The following SYT14 variants were observed in gnomAD, a reference collection of about 807,000 sequenced individuals.
The protein encoded by SYT14 is synaptotagmin 14, also known as synaptotagmin-14.
SYT14 carries 32 observed loss-of-function variants against 74.2 expected under a neutral mutation model. That is an observed-to-expected ratio of 0.43 (90% CI 0.33 to 0.58). SYT14 has a LOEUF of 0.58. Ranked by LOEUF, SYT14 falls within the 20% of genes least tolerant of loss-of-function variation. The probability of loss-of-function intolerance (pLI) is 0.05; values close to 1 mark genes in which losing one functional copy is unlikely to be tolerated. For missense variants in SYT14, 791 were observed against 981.8 expected, an observed-to-expected ratio of 0.81 and a Z score of 2.60; for synonymous variants, 298 against 337.7, an observed-to-expected ratio of 0.88 and a Z score of 1.29.
chr1:210,118,010 G>T (rs2082392382), intron 7 of SYT14, among the ~76,000 whole-genome samples: 1 of 152,120 alleles, frequency 6.6e-6, no homozygotes, highest in Admixed American at 6.5e-5. Context: ...GAAAGAATAA[G>T]CTTAAAGCAC....
chr1:209,942,916 A>G (rs1572044400), intron 1 of SYT14, among the ~76,000 whole-genome samples: 2 of 151,076 alleles, frequency 1.3e-5, no homozygotes, highest in African/African-American at 2.5e-5. Context: ...GTGTGTTTGT[A>G]TATGTGTGTG....
chr1:210,069,039 G>T, intron 5 of SYT14, among the ~76,000 whole-genome samples: 1 of 151,380 alleles, frequency 6.6e-6, no homozygotes, highest in Non-Finnish European at 1.5e-5. Context: ...TTCAGTTGCT[G>T]GGTTTGGATA....
intron 5 of SYT14, among the ~76,000 whole-genome samples, chr1:210,060,147 C>G (rs1314743136): frequency 1.3e-5 from 2 of 152,136 alleles, no homozygotes; most frequent in African/African-American, 4.8e-5. Context: ...TAGGTCTGTA[C>G]TCAGGAGACT....
chr1:210,011,328 A>C (rs1432096099), intron 2 of SYT14, among the ~76,000 whole-genome samples: 1 of 152,142 alleles, frequency 6.6e-6, no homozygotes, highest in Non-Finnish European at 1.5e-5. Flanking sequence ...TTTATGTCAT[A>C]TACCTTAGCT....
At chr1:210,022,930 C>T (rs2080332575) in intron 5 of SYT14, among the ~76,000 whole-genome samples, 1 of 152,018 alleles carries the variant, frequency 6.6e-6, no homozygotes, top group East Asian at 1.9e-4. Flanking sequence ...GACTTTATAG[C>T]CTATGGAAAG....
At chr1:210,056,401 G>C (rs989660024) in intron 5 of SYT14, among the ~76,000 whole-genome samples, 1 of 152,082 alleles carries the variant, frequency 6.6e-6, no homozygotes, top group African/African-American at 2.4e-5. Flanking sequence ...TTTGTTCTAG[G>C]AGTAAGATAA....
intron 7 of SYT14, among the ~76,000 whole-genome samples, chr1:210,149,691 C>T (rs146615263): frequency 8.5e-4 from 130 of 152,274 alleles, no homozygotes; most frequent in African/African-American, 3.0e-3. Flanking sequence ...GTAGCTCTTC[C>T]TTTCCTAACC....
rs892312847 is a variant in SYT14, at chr1:209,968,452, T to C, written c.-486+15696T>C. Among the ~76,000 whole-genome samples the C allele has an allele frequency of 2.0e-5, 3 of 151,996 alleles. No homozygotes were observed. The South Asian group carries it at 6.2e-4, about 32-fold the overall frequency. On this transcript the variant is annotated intron_variant, in intron 2 of 9. Transcript: ENST00000637265. ...ATATGGTAGATACTATATGATATTATAGTATCATATGGAGTAGTTTCATAT... is the reference window on the plus strand; with the variant it reads ...ATATGGTAGATACTATATGATATTACAGTATCATATGGAGTAGTTTCATAT...
At chr1:210,102,915 C>T (rs1043777728) in intron 7 of SYT14, among the ~76,000 whole-genome samples, 4 of 152,036 alleles carry the variant, frequency 2.6e-5, no homozygotes, top group South Asian at 2.1e-4. Flanking sequence ...TGGCCTGAAG[C>T]GATTCTCCCA....
chr1:209,946,882 T>A (rs968531535), intron 1 of SYT14, among the ~76,000 whole-genome samples: 3 of 152,194 alleles, frequency 2.0e-5, no homozygotes, highest in African/African-American at 7.2e-5. Context: ...ATGCATCTGG[T>A]GACTTTAAGT....
At chr1:209,999,437 G>A (rs1558120270) in intron 2 of SYT14, among the ~76,000 whole-genome samples, 1 of 152,042 alleles carries the variant, frequency 6.6e-6, no homozygotes, top group South Asian at 2.1e-4. Flanking sequence ...TAGTTTATCA[G>A]TGGGATACCT....
intron 1 of SYT14, among the ~76,000 whole-genome samples, chr1:209,938,478 C>G (rs972015027): frequency 4.6e-5 from 7 of 151,834 alleles, no homozygotes; most frequent in African/African-American, 1.7e-4. Flanking sequence ...CCGACTGGCT[C>G]GCTCGCCCCG....
intron 2 of SYT14, among the ~76,000 whole-genome samples, chr1:210,011,956 C>G (rs866409205): frequency 6.6e-6 from 1 of 152,046 alleles, no homozygotes. Context: ...GAGAGACTGC[C>G]GAGGACTGGA....
At chr1:210,134,107 T>A (rs892468955) in intron 7 of SYT14, among the ~76,000 whole-genome samples, 8 of 152,078 alleles carry the variant, frequency 5.3e-5, no homozygotes, top group African/African-American at 1.4e-4. Context: ...AGTCTCATTC[T>A]GTCACCCAGG....
intron 5 of SYT14, among the ~76,000 whole-genome samples, chr1:210,062,906 G>T (rs2081231454): frequency 1.3e-5 from 2 of 151,252 alleles, no homozygotes; most frequent in African/African-American, 4.8e-5. Flanking sequence ...ATATTTATTT[G>T]TGCATGTTGG....
At chr1:210,035,032 A>G (rs1269025179) in intron 5 of SYT14, among the ~76,000 whole-genome samples, 1 of 151,648 alleles carries the variant, frequency 6.6e-6, no homozygotes, top group African/African-American at 2.4e-5. Context: ...TCTACTTTTA[A>G]TTGTTTCAGA....
chr1:210,163,262 C>T (rs1322350735), exon 10 of SYT14: 1 of 453,660 alleles, frequency 2.2e-6, no homozygotes, highest in Admixed American at 2.4e-5. Context: ...GTTAAATCTA[C>T]CTTTTTTCAG....
intron 2 of SYT14, among the ~76,000 whole-genome samples, chr1:209,974,973 A>G (rs1050244210): frequency 6.6e-6 from 1 of 152,176 alleles, no homozygotes; most frequent in African/African-American, 2.4e-5. Context: ...TTTTTGAAGC[A>G]ATTGTGAATG....
intron 7 of SYT14, among the ~76,000 whole-genome samples, chr1:210,126,846 A>G (rs1467394909): frequency 6.6e-6 from 1 of 152,078 alleles, no homozygotes; most frequent in Non-Finnish European, 1.5e-5. Context: ...TGAATCTTTT[A>G]TGGTTCTGTA....
Sources: allele counts gnomAD v4.1 joint callset (sites outside exome capture counted in the v4.1 genomes callset), GRCh38; gene constraint gnomAD v4.1.1; transcripts MANE v1.5; gene names NCBI Gene and HGNC (gene_info 2026-07-23, HGNC 2026-07-21).